Variants in EFR3B observed in about 807,000 individuals in gnomAD.
The protein encoded by EFR3B is protein EFR3 homolog B.
In EFR3B, 64 loss-of-function variants were observed where a neutral mutation model predicts 104.7. The observed-to-expected ratio is 0.61, with a 90% CI of 0.50 to 0.75. The LOEUF (loss-of-function observed/expected upper bound fraction) is 0.75. Ranked by LOEUF, EFR3B falls within the 30% of genes least tolerant of loss-of-function variation. The pLI is 0.00. For missense variants in EFR3B, 750 were observed against 1,078.5 expected, an observed-to-expected ratio of 0.70 and a Z score of 4.27; for synonymous variants, 385 against 417.9, an observed-to-expected ratio of 0.92 and a Z score of 0.96.
At chr2:25,045,245 C>T (rs1667683657) in intron 1 of EFR3B, among the ~76,000 whole-genome samples, 1 of 152,094 alleles carries the variant, frequency 6.6e-6, no homozygotes, top group Non-Finnish European at 1.5e-5. Context: ...AGCCGCTGAG[C>T]CACTTCCCTT....
At chr2:25,142,517 G>A (rs1370764128) in intron 17 of EFR3B, among the ~76,000 whole-genome samples, 1 of 151,274 alleles carries the variant, frequency 6.6e-6, no homozygotes, top group Non-Finnish European at 1.5e-5. Flanking sequence ...CTAGCACTTT[G>A]GGTGGTTGAG....
chr2:25,085,755 G>A (rs111436463), intron 1 of EFR3B, among the ~76,000 whole-genome samples: 1 of 151,702 alleles, frequency 6.6e-6, no homozygotes, highest in Non-Finnish European at 1.5e-5. Context: ...GTGAGCCACC[G>A]CGCCTGACCA....
intron 3 of EFR3B, among the ~76,000 whole-genome samples, chr2:25,098,941 C>T (rs1451963410): frequency 6.9e-6 from 1 of 144,192 alleles, no homozygotes; most frequent in African/African-American, 2.5e-5. Flanking sequence ...AGCCCTGGGG[C>T]TCACGAGGCC....
At chr2:25,116,699 A>T (rs972525614) in intron 4 of EFR3B, among the ~76,000 whole-genome samples, 13 of 151,826 alleles carry the variant, frequency 8.6e-5, no homozygotes, top group Non-Finnish European at 1.3e-4. Flanking sequence ...ACACACATCC[A>T]GGGACTCATG....
Position 25,131,935 on chromosome 2 carries a change from G to A in EFR3B, c.1147+24G>A, listed in dbSNP as rs1289836926. On this transcript the variant is annotated intron_variant, in intron 10 of 22. Transcript: ENST00000403714. This position sits in a 1 kb window ranked among gnomAD's most constrained non-coding sequence, Gnocchi z 7.6. Reference sequence around the variant, plus strand: ...GGGTGCGGCGCGGGGCCGGGCCGGGGCGGGGCGGGGCCGAGGCGCGGAGTG... The same window carrying A: ...GGGTGCGGCGCGGGGCCGGGCCGGGACGGGGCGGGGCCGAGGCGCGGAGTG... 1 of 1,452,200 alleles carries A rather than the reference G, an allele frequency of 6.9e-7. No individual in the cohort carries two copies. Among genetic ancestry groups the A allele is most frequent in the Non-Finnish European group, 9.1e-7 (1 of 1,101,840 alleles). The allele number at this position is 1,452,200 out of a possible 1,614,324, so 90.0% of individuals were successfully genotyped here.
At chr2:25,047,996 A>G (rs1166043580) in intron 1 of EFR3B, among the ~76,000 whole-genome samples, 9 of 151,804 alleles carry the variant, frequency 5.9e-5, no homozygotes, top group Admixed American at 4.6e-4. Context: ...CTTTCTTTCC[A>G]TGTGTTTGTT....
At chr2:25,063,592 TC>T (rs1187485750) in intron 1 of EFR3B, among the ~76,000 whole-genome samples, 1 of 152,202 alleles carries the variant, frequency 6.6e-6, no homozygotes, top group Non-Finnish European at 1.5e-5. Flanking sequence ...CTCATTTTCC[TC>T]ATCTGTAAAA....
chr2:25,094,298 AAAAG>A (rs1669218447), intron 3 of EFR3B, among the ~76,000 whole-genome samples: 1 of 150,380 alleles, frequency 6.6e-6, no homozygotes. Flanking sequence ...AAAAAAAAAA[AAAAG>A]AAAAAAGAAA....
chr2:25,092,756 G>C (rs1294160564), intron 2 of EFR3B, among the ~76,000 whole-genome samples: 2 of 151,884 alleles, frequency 1.3e-5, no homozygotes, highest in Non-Finnish European at 2.9e-5. Flanking sequence ...CACCATGTTG[G>C]CCAGGCCGGT....
At position 25,130,390 on chromosome 2, in the gene EFR3B, G is replaced by A. The variant is rs1670295772; in HGVS notation, c.771-162G>A. ...GAGCGCTGTCCTTGGCCTCTCTCCAGCACTGGACTGGGACTACCCCAAGGC... is the reference window on the plus strand; with the variant it reads ...GAGCGCTGTCCTTGGCCTCTCTCCAACACTGGACTGGGACTACCCCAAGGC... On this transcript the variant is annotated intron_variant, in intron 7 of 22. Transcript: ENST00000403714. The surrounding 1 kb of genome is among the most constrained non-coding windows in gnomAD (Gnocchi z 4.6). Among the ~76,000 whole-genome samples, 1 of 152,172 alleles carries A rather than the reference G, an allele frequency of 6.6e-6. No individual in the cohort carries two copies. The highest frequency in any genetic ancestry group is 2.4e-5 in the African/African-American group (1 of 41,440).
At chr2:25,081,933 C>T (rs1194976222) in intron 1 of EFR3B, among the ~76,000 whole-genome samples, 2 of 152,130 alleles carry the variant, frequency 1.3e-5, no homozygotes, top group Non-Finnish European at 2.9e-5. Flanking sequence ...TTGTTTGTTT[C>T]AAACCACCAA....
chr2:25,142,259 A>G (rs776262342), intron 17 of EFR3B, among the ~76,000 whole-genome samples: 43 of 152,138 alleles, frequency 2.8e-4, no homozygotes, highest in Admixed American at 4.6e-4. Flanking sequence ...CCTGGCCAAC[A>G]TGGTGAAACC....
At chr2:25,074,066 G>A (rs920643746) in intron 1 of EFR3B, among the ~76,000 whole-genome samples, 2 of 152,220 alleles carry the variant, frequency 1.3e-5, no homozygotes, top group Admixed American at 1.3e-4. Context: ...TCTTGGCACA[G>A]TGGGGGGGAC....
At chr2:25,064,135 C>T (rs56402510) in intron 1 of EFR3B, among the ~76,000 whole-genome samples, 1 of 152,194 alleles carries the variant, frequency 6.6e-6, no homozygotes, top group African/African-American at 2.4e-5. Flanking sequence ...TGAAATTTCT[C>T]TTTGGCACCG....
At chr2:25,101,423 C>G (rs1251388067) in intron 3 of EFR3B, among the ~76,000 whole-genome samples, 1 of 152,214 alleles carries the variant, frequency 6.6e-6, no homozygotes, top group Admixed American at 6.5e-5. Context: ...AATCATGGCT[C>G]ACTGCAGCCT....
chr2:25,104,677 A>C (rs1228471450), intron 4 of EFR3B, among the ~76,000 whole-genome samples: 1 of 152,236 alleles, frequency 6.6e-6, no homozygotes. Context: ...CCCCAGGACA[A>C]AGGTACCAGA....
At chr2:25,079,709 C>T (rs564201982) in intron 1 of EFR3B, among the ~76,000 whole-genome samples, 1 of 152,226 alleles carries the variant, frequency 6.6e-6, no homozygotes, top group South Asian at 2.1e-4. Flanking sequence ...AATTAGTTAC[C>T]TGCATTATAG....
intron 3 of EFR3B, among the ~76,000 whole-genome samples, chr2:25,095,787 G>A (rs1454049674): frequency 6.6e-6 from 1 of 152,058 alleles, no homozygotes; most frequent in Non-Finnish European, 1.5e-5. Flanking sequence ...GTTTTGTTTC[G>A]TATCTATTTT....
chr2:25,042,280 GC>G lies in EFR3B; in HGVS notation c.-31del. 7.6e-7 allele frequency: 1 copy of G among 1,307,366 alleles called. No individual in the cohort carries two copies. Among genetic ancestry groups the G allele is most frequent in the Non-Finnish European group, 9.7e-7 (1 of 1,028,918 alleles). The allele number at this position is 1,307,366 out of a possible 1,614,324, so 81.0% of individuals were successfully genotyped here. A position where few individuals can be genotyped will look rare whatever the true frequency, so the allele number is the denominator to read the frequency against. On this transcript the variant is annotated 5_prime_UTR_variant, in exon 1 of 23. Transcript: ENST00000403714. This position sits in a 1 kb window ranked among gnomAD's most constrained non-coding sequence, Gnocchi z 5.4. ...GGCTGGCTGGGAACGCCGCAGCGACGCCGGCCTCTCGAGAGGCGCGCGCCCC... is the reference window on the plus strand; with the variant it reads ...GGCTGGCTGGGAACGCCGCAGCGACGCGGCCTCTCGAGAGGCGCGCGCCCC...
Sources: gnomAD v4.1 joint callset for allele counts (sites outside exome capture counted in the v4.1 genomes callset) on GRCh38, gnomAD v4.1.1 for gene constraint, Gnocchi (gnomAD v3.1) non-coding constraint, MANE v1.5 for transcripts, NCBI Gene and HGNC (gene_info 2026-07-23, HGNC 2026-07-21) for gene names.